Variants in ADH4 observed in about 807,000 individuals in gnomAD.
ADH4 encodes alcohol dehydrogenase 4 (class II), pi polypeptide, also known as all-trans-retinol dehydrogenase [NAD(+)] ADH4.
In ADH4, 31 loss-of-function variants were observed where a neutral mutation model predicts 35.2. The observed-to-expected ratio is 0.88, with a 90% CI of 0.66 to 1.19. The LOEUF is 1.19. Among genes scored for constraint, ADH4 ranks in the 50% most tolerant of loss-of-function variants. ADH4 has a pLI of 0.00. For missense variants in ADH4, 476 were observed against 458.3 expected, an observed-to-expected ratio of 1.04 and a Z score of -0.35; for synonymous variants, 171 against 160.2, an observed-to-expected ratio of 1.07 and a Z score of -0.51.
At chr4:99,127,414 A>G (rs1384698927) in intron 6 of ADH4, 70 bp from the exon 7 acceptor site, 3 of 1,303,834 alleles carry the variant, frequency 2.3e-6, no homozygotes, top group South Asian at 1.5e-5. Flanking sequence ...GTGGCAATGT[A>G]CAATGCTTTA....
At chr4:99,138,855 A>G (rs1449258029) in intron 4 of ADH4, among the ~76,000 whole-genome samples, 1 of 152,160 alleles carries the variant, frequency 6.6e-6, no homozygotes, top group East Asian at 1.9e-4. Context: ...GCTGTTTTAA[A>G]TTGCTTACTC....
At position 99,126,690 on chromosome 4, in the gene ADH4, T is replaced by C. The variant is rs542426000; in HGVS notation, c.1022A>G (p.Tyr341Cys). 7 of 1,611,864 alleles carry C rather than the reference T, an allele frequency of 4.3e-6. No homozygotes were observed. Among genetic ancestry groups the C allele is most frequent in the South Asian group, 1.1e-5 (1 of 90,850 alleles). The change falls in exon 8 of 9, where the codon TAT becomes TGT. Residue 341 changes from tyrosine to cysteine, a missense_variant. Physicochemically the swap from Tyr to Cys is radical, Grantham distance 194. Transcript: ENST00000265512. ...ATCCAGATTGAATTTCTTATTCTTA[T>C]AGTCAGTGACCAGCTTTGGGATAGA... Reference protein sequence around the residue: ...VDSIPKLVTDYKNKKFNLDAL... With the variant: ...VDSIPKLVTDCKNKKFNLDAL...
intron 3 of ADH4, among the ~76,000 whole-genome samples, chr4:99,140,237 T>C (rs36034266): frequency 0.21 from 31,980 of 152,196 alleles, 4,036 homozygotes; most frequent in Non-Finnish European, 0.28. Flanking sequence ...TTAAAATAGT[T>C]TGCTTTTTTA....
intron 4 of ADH4, among the ~76,000 whole-genome samples, chr4:99,138,206 T>G (rs1729505221): frequency 6.6e-6 from 1 of 152,214 alleles, no homozygotes; most frequent in Admixed American, 6.5e-5. Context: ...TTATTGGTAT[T>G]GCCTAAATCC....
intron 4 of ADH4, among the ~76,000 whole-genome samples, chr4:99,137,613 G>A (rs1479513597): frequency 6.6e-6 from 1 of 152,124 alleles, no homozygotes; most frequent in Non-Finnish European, 1.5e-5. Context: ...GCTTTTAAGG[G>A]CTTTACATGT....
At position 99,144,148 on chromosome 4, in the gene ADH4, A is replaced by G. The variant is rs531179262; in HGVS notation, c.18+57T>C. 11 of 1,597,836 alleles carry G rather than the reference A, an allele frequency of 6.9e-6. No individual in the cohort carries two copies. The African/African-American group carries it at 1.2e-4, about 18-fold the overall frequency. ...TCCTGAAGGAAGCTCCTTTTAGCCA[A>G]ACATACAAGGACACAGAAAAGCACA... On this transcript the variant is annotated intron_variant, in intron 1 of 8. Transcript: ENST00000265512.
At position 99,127,212 on chromosome 4, in the gene ADH4, C is replaced by CA. The variant is rs1729125014; in HGVS notation, c.975dup (p.Gly326TrpfsTer15). 4.4e-6 allele frequency: 7 copies of CA among 1,596,798 alleles called. No homozygotes were observed. Among genetic ancestry groups the CA allele is most frequent in the Admixed American group, 1.7e-5 (1 of 57,174 alleles). On this transcript the variant is annotated frameshift_variant, in exon 7 of 9. Coordinates refer to ENST00000265512, the MANE Select transcript of ADH4 (RefSeq NM_000670.5). LOFTEE classifies it high-confidence loss of function. ...TATGAAGAAAAAAAAAACTGACCAC[C>CA]AAAGAATGTTCCATTTATAGTACGG...
intron 2 of ADH4, among the ~76,000 whole-genome samples, 159 bp downstream of exon 2, chr4:99,142,520 T>C (rs1057096807): frequency 1.3e-5 from 2 of 152,236 alleles, no homozygotes; most frequent in African/African-American, 4.8e-5. Flanking sequence ...TTTATTCCTT[T>C]TTGGGATAAT....
intron 8 of ADH4, 110 bp downstream of exon 8, chr4:99,126,484 G>C (rs1729093002): frequency 9.2e-7 from 1 of 1,085,280 alleles, no homozygotes; most frequent in Non-Finnish European, 1.3e-6. Flanking sequence ...CTAGTACCTG[G>C]GATGTGGAAA....
At chr4:99,134,950 C>G (rs1458573467) in intron 5 of ADH4, among the ~76,000 whole-genome samples, 1 of 151,650 alleles carries the variant, frequency 6.6e-6, no homozygotes, top group Non-Finnish European at 1.5e-5. Context: ...CAGGCCTCAC[C>G]AGGATGTTTT....
Position 99,136,676 on chromosome 4 carries a change from A to G in ADH4, c.372T>C (p.Ser124=), listed in dbSNP as rs1729443817. The change falls in exon 5 of 9, where the codon AGT becomes AGC. Residue 124 remains serine (S), a synonymous_variant. Coordinates refer to ENST00000265512, the MANE Select transcript of ADH4 (RefSeq NM_000670.5). ...GKISNLKSPA[S]DQQLMEDKTS... is the part of the protein sequence containing the mutation. ...TTTTGTCTTCCATTAGTTGTTGATCACTAGCAGGACTTTTGAGATTACTAG... is the reference window on the plus strand; with the variant it reads ...TTTTGTCTTCCATTAGTTGTTGATCGCTAGCAGGACTTTTGAGATTACTAG... 6.2e-7 allele frequency: 1 copy of G among 1,612,606 alleles called. No individual in the cohort carries two copies. The highest frequency in any genetic ancestry group is 2.2e-5 in the East Asian group (1 of 44,876).
At chr4:99,135,647 A>C (rs1421820047) in intron 5 of ADH4, among the ~76,000 whole-genome samples, 1 of 152,198 alleles carries the variant, frequency 6.6e-6, no homozygotes, top group Non-Finnish European at 1.5e-5. Context: ...CAGTGAGTGC[A>C]CAGTGGAAAG....
In ADH4 at chr4:99,126,645, A is replaced by G; in HGVS notation, c.1067T>C (p.Leu356Pro). Reference sequence around the variant, plus strand: ...TGCCTCACTGATTTTGTCAAAAGGCAGGGTATGGGTCACCAGTGCATCCAG... The same window carrying G: ...TGCCTCACTGATTTTGTCAAAAGGCGGGGTATGGGTCACCAGTGCATCCAG... ...FNLDALVTHTLPFDKISEAFD... is the reference protein window; with the variant it reads ...FNLDALVTHTPPFDKISEAFD... The change falls in exon 8 of 9, where the codon CTG (leucine) becomes CCG (proline). Residue 356 changes from leucine (L) to proline (P), a missense_variant. Leu to Pro is a moderately conservative substitution (Grantham distance 98). Coordinates refer to ENST00000265512, the MANE Select transcript of ADH4 (RefSeq NM_000670.5). 1.2e-6 allele frequency: 2 copies of G among 1,610,684 alleles called. No individual in the cohort carries two copies. Among genetic ancestry groups the G allele is most frequent in the East Asian group, 2.2e-5 (1 of 44,860 alleles).
rs1283905857 is a variant in ADH4, at chr4:99,142,596, A to G, written c.120+83T>C. 3 of 809,010 alleles carry G rather than the reference A, an allele frequency of 3.7e-6. No homozygotes were observed. The African/African-American group carries it at 5.3e-5, about 14-fold the overall frequency. 50.1% of individuals were successfully genotyped at this position (809,010 alleles called of 1,614,324 possible). On this transcript the variant is annotated intron_variant, in intron 2 of 8. Coordinates refer to ENST00000265512, the MANE Select transcript of ADH4 (RefSeq NM_000670.5). ...CTAGAAACTCCAAGGCCTCTGAATC[A>G]TAGCACAGAGGATTGACCTGACAGA...
chr4:99,139,187 G>T, intron 3 of ADH4, 39 bp from the exon 4 acceptor site: 2 of 1,355,540 alleles, frequency 1.5e-6, no homozygotes, highest in South Asian at 1.2e-5. Context: ...TGCCTAAGGT[G>T]TTACTTATAG....
At chr4:99,139,685 G>A (rs13148577) in intron 3 of ADH4, among the ~76,000 whole-genome samples, 51,633 of 151,916 alleles carry the variant, frequency 0.34, 10,416 homozygotes, top group South Asian at 0.5. Flanking sequence ...TACATACCAC[G>A]CACCATTATA....
At position 99,123,850 on chromosome 4, in the gene ADH4, G is replaced by A; in HGVS notation, c.*592C>T. The A allele has an allele frequency of 6.6e-6, 1 of 152,336 alleles. No individual in the cohort carries two copies. The highest frequency in any genetic ancestry group is 1.5e-5 in the Non-Finnish European group (1 of 68,088). 9.4% of individuals were successfully genotyped at this position (152,336 alleles called of 1,614,324 possible). The stretch of plus-strand genomic sequence containing the variant: ...GTTCCAGGGTACATGTGCAGGATGT[G>A]CAGGTTTGTTACATAGGTAAACATG... On this transcript the variant is annotated 3_prime_UTR_variant, in exon 9 of 9. Transcript: ENST00000265512.
chr4:99,131,546 A>C lies in ADH4; in HGVS notation c.801T>G (p.Gly267=), dbSNP rs756624736. ...CTGCACAGTCAAGGGCAAAATCCAC[A>C]CCTCCCTTGGTCAATTCAATGATAA... The part of the protein sequence containing the change: ...QEVIIELTKG[G]VDFALDCAGG... Residue 267 remains glycine (G), a synonymous_variant, in exon 6 of 9, where the codon GGT becomes GGG. Transcript: ENST00000265512. The C allele has an allele frequency of 6.2e-7, 1 of 1,613,904 alleles. No individual in the cohort carries two copies. The highest frequency in any genetic ancestry group is 1.1e-5 in the South Asian group (1 of 91,060).
intron 4 of ADH4, among the ~76,000 whole-genome samples, chr4:99,136,971 G>A (rs1030679614): frequency 6.0e-5 from 9 of 149,852 alleles, no homozygotes; most frequent in Non-Finnish European, 1.2e-4. Context: ...TTTTTTAGAC[G>A]GAGTTTTTGC....
Sources: gnomAD v4.1 joint callset for allele counts (sites outside exome capture counted in the v4.1 genomes callset) on GRCh38, gnomAD v4.1.1 for gene constraint, MANE v1.5 for transcripts, NCBI Gene and HGNC (gene_info 2026-07-23, HGNC 2026-07-21) for gene names.